DOCK1: variants seen among roughly 807,000 people sequenced by gnomAD.
The protein encoded by DOCK1 is dedicator of cytokinesis protein 1.
DOCK1 carries 138 observed loss-of-function variants against 262.7 expected under a neutral mutation model. The ratio of observed to expected loss-of-function variants is 0.53; its 90% CI spans 0.46 to 0.61. The LOEUF (loss-of-function observed/expected upper bound fraction) is 0.61. DOCK1 is among the 20% of genes least tolerant of loss of function. The probability of loss-of-function intolerance (pLI) is 0.00; values close to 1 mark genes in which losing one functional copy is unlikely to be tolerated. For synonymous variants in DOCK1, 866 were observed against 867.4 expected (o/e 1.00, Z 0.03); for missense variants, 1,908 against 2,370.7 (o/e 0.80, Z 4.05).
At chr10:127,282,297 C>T (rs1162156951) in intron 29 of DOCK1, among the ~76,000 whole-genome samples, 1 of 151,998 alleles carries the variant, frequency 6.6e-6, no homozygotes, top group Non-Finnish European at 1.5e-5. Context: ...GAAAGAAGTC[C>T]TGTTGGGGGA....
intron 27 of DOCK1, among the ~76,000 whole-genome samples, chr10:127,199,040 A>G (rs2134212031): frequency 6.6e-6 from 1 of 152,042 alleles, no homozygotes; most frequent in South Asian, 2.1e-4. Context: ...GAATGAGTCA[A>G]TATGCTCGGC....
intron 27 of DOCK1, among the ~76,000 whole-genome samples, chr10:127,208,697 A>G (rs2057832976): frequency 6.6e-6 from 1 of 152,210 alleles, no homozygotes; most frequent in Non-Finnish European, 1.5e-5. Flanking sequence ...AAAATGTGAC[A>G]TAGTGAACAT....
chr10:127,169,282 G>T (rs1476251792), intron 27 of DOCK1, among the ~76,000 whole-genome samples: 3 of 152,178 alleles, frequency 2.0e-5, no homozygotes, highest in Non-Finnish European at 4.4e-5. Context: ...GAATGCCGAT[G>T]AACTGTGAAC....
chr10:127,331,424 G>T (rs2062976612), intron 29 of DOCK1, among the ~76,000 whole-genome samples: 1 of 152,128 alleles, frequency 6.6e-6, no homozygotes, highest in Non-Finnish European at 1.5e-5. Flanking sequence ...TGGGATTACA[G>T]ACGCCTGCCA....
intron 27 of DOCK1, among the ~76,000 whole-genome samples, chr10:127,213,718 C>T (rs1024787474): frequency 6.6e-6 from 1 of 152,218 alleles, no homozygotes; most frequent in Non-Finnish European, 1.5e-5. Flanking sequence ...CCGTGGCCAG[C>T]GTTCCAGGAA....
intron 29 of DOCK1, among the ~76,000 whole-genome samples, chr10:127,335,814 A>T (rs1469641945): frequency 4.6e-5 from 7 of 150,776 alleles, no homozygotes; most frequent in Non-Finnish European, 1.0e-4. Context: ...TCCCAGGTTC[A>T]TGCCATTCTC....
At chr10:127,375,272 C>G (rs1011954402) in intron 35 of DOCK1, among the ~76,000 whole-genome samples, 1 of 152,250 alleles carries the variant, frequency 6.6e-6, no homozygotes, top group Non-Finnish European at 1.5e-5. Flanking sequence ...TGCTGCTTCT[C>G]TTATAAAGAA....
At chr10:127,442,405 G>A (rs10765098) in intron 49 of DOCK1, among the ~76,000 whole-genome samples, 2 of 152,030 alleles carry the variant, frequency 1.3e-5, no homozygotes, top group South Asian at 2.1e-4. Context: ...GGGGGAGAAC[G>A]TTGACCCCTC....
chr10:127,343,265 G>C (rs915140509), intron 30 of DOCK1, among the ~76,000 whole-genome samples: 4 of 152,110 alleles, frequency 2.6e-5, no homozygotes, highest in African/African-American at 4.8e-5. Context: ...AGCTAACATT[G>C]ATGAAGTGCT....
chr10:126,974,375 A>C (rs886742782), intron 2 of DOCK1, among the ~76,000 whole-genome samples: 2 of 152,146 alleles, frequency 1.3e-5, no homozygotes, highest in Non-Finnish European at 2.9e-5. Context: ...ATAGTGATGC[A>C]TTTTCTTCTA....
chr10:127,430,856 C>T (rs1010062791), intron 47 of DOCK1, among the ~76,000 whole-genome samples: 2 of 152,276 alleles, frequency 1.3e-5, no homozygotes, highest in African/African-American at 4.8e-5. Flanking sequence ...CAAGGTGGGA[C>T]GTTACAGCTC....
chr10:126,960,028 G>A (rs1283285594), intron 1 of DOCK1, among the ~76,000 whole-genome samples: 2 of 152,220 alleles, frequency 1.3e-5, no homozygotes, highest in Admixed American at 6.5e-5. Context: ...GGCTGGTCTC[G>A]AACTCCTGAC....
chr10:127,296,376 C>A (rs2061505069), intron 29 of DOCK1, among the ~76,000 whole-genome samples: 1 of 152,226 alleles, frequency 6.6e-6, no homozygotes, highest in Admixed American at 6.5e-5. Context: ...CTTCAAGCCC[C>A]TTTCAGCGCC....
intron 23 of DOCK1, among the ~76,000 whole-genome samples, chr10:127,084,603 A>G (rs765900805): frequency 1.3e-5 from 2 of 152,260 alleles, no homozygotes; most frequent in Non-Finnish European, 2.9e-5. Flanking sequence ...CAAGTGGAAC[A>G]CAACACAAGT....
At chr10:127,137,897 G>C (rs1255459409) in intron 27 of DOCK1, 10 of 1,613,976 alleles carry the variant, frequency 6.2e-6, no homozygotes, top group East Asian at 2.2e-5. Context: ...ATTTTTGCTT[G>C]GGAGTTGAGG....
chr10:126,976,458 C>G (rs927539244), intron 2 of DOCK1, among the ~76,000 whole-genome samples: 1 of 152,170 alleles, frequency 6.6e-6, no homozygotes, highest in Non-Finnish European at 1.5e-5. Flanking sequence ...GGATTCTGCT[C>G]ATCTTAACAC....
intron 48 of DOCK1, among the ~76,000 whole-genome samples, chr10:127,438,136 A>T (rs540963005): frequency 2.0e-5 from 3 of 152,330 alleles, no homozygotes; most frequent in African/African-American, 7.2e-5. Context: ...GCTGCTAGGG[A>T]TGAGACTCCA....
At chr10:127,383,308 T>A (rs375078695) in intron 37 of DOCK1, among the ~76,000 whole-genome samples, 1 of 152,180 alleles carries the variant, frequency 6.6e-6, no homozygotes, top group Non-Finnish European at 1.5e-5. Context: ...TTTGCAAAAG[T>A]GATTTAAAAA....
chr10:127,223,803 C>CACT (rs1236837740), intron 27 of DOCK1, among the ~76,000 whole-genome samples: 3 of 152,102 alleles, frequency 2.0e-5, no homozygotes. Context: ...TAGGCCTTAG[C>CACT]ACCTTTTTAA....
Sources: allele counts gnomAD v4.1 joint callset (sites outside exome capture counted in the v4.1 genomes callset), GRCh38; gene constraint gnomAD v4.1.1; transcripts MANE v1.5; gene names NCBI Gene and HGNC (gene_info 2026-07-23, HGNC 2026-07-21).